Variants in OR6N1 observed in about 807,000 individuals in gnomAD.
The protein encoded by OR6N1 is olfactory receptor 6N1.
For missense variants in OR6N1, 394 were observed against 371.7 expected (o/e 1.06, Z -0.49); for synonymous variants, 170 against 150.7 (o/e 1.13, Z -0.94).
At position 158,765,985 on chromosome 1, in the gene OR6N1, C is replaced by T. The variant is rs766594139; in HGVS notation, c.698G>A (p.Gly233Asp). Residue 233 changes from glycine to aspartate, a missense_variant, in exon 2 of 2, where the codon GGC (glycine) becomes GAC (aspartate). By Grantham distance (94) the Gly-to-Asp change is moderately conservative. Coordinates refer to ENST00000641846, the MANE Select transcript of OR6N1 (RefSeq NM_001005185.2). ...ACACGTGGAGATGGCCTTCCTCTTG[C>T]CGGCAGCTGAGGGAATTCTGAGCAC... is the stretch of plus-strand genomic sequence containing the variant. ...CTVLRIPSAAGKRKAISTCAS... is the reference protein window; with the variant it reads ...CTVLRIPSAADKRKAISTCAS... The T allele has an allele frequency of 6.2e-7, 1 of 1,614,134 alleles. No individual in the cohort carries two copies.
At chr1:158,835,607 A>C in the OR6N1 span, among the ~76,000 whole-genome samples, 4 of 53,332 alleles carry the variant, frequency 7.5e-5, no homozygotes, top group South Asian at 7.8e-4. Flanking sequence ...TTTATTGCCT[A>C]TTTTTGGTGG....
the OR6N1 span, among the ~76,000 whole-genome samples, chr1:158,796,663 A>AACTTCTCTT: frequency 2.0e-5 from 3 of 152,114 alleles, no homozygotes; most frequent in Admixed American, 2.0e-4. Flanking sequence ...GTTTTATTAA[A>AACTTCTCTT]ACTTCTCTTT....
the OR6N1 span, among the ~76,000 whole-genome samples, chr1:158,818,352 T>C: frequency 6.6e-6 from 1 of 152,224 alleles, no homozygotes; most frequent in Non-Finnish European, 1.5e-5. Flanking sequence ...AGGTATTAAA[T>C]TAACTTGCTG....
At chr1:158,829,978 C>T in the OR6N1 span, among the ~76,000 whole-genome samples, 3 of 152,194 alleles carry the variant, frequency 2.0e-5, no homozygotes, top group Non-Finnish European at 4.4e-5. Context: ...CATTTACTAT[C>T]ATGAGAACAG....
intron 1 of OR6N1, among the ~76,000 whole-genome samples, chr1:158,767,742 A>C (rs987581709): frequency 2.0e-5 from 3 of 152,194 alleles, no homozygotes; most frequent in African/African-American, 7.2e-5. Flanking sequence ...CTCTTTACTC[A>C]TCCCACAGCC....
chr1:158,797,757 TTTTA>T, the OR6N1 span, among the ~76,000 whole-genome samples: 11,745 of 152,220 alleles, frequency 0.077, 498 homozygotes, highest in South Asian at 0.12. Flanking sequence ...ACATTACTAG[TTTTA>T]TTTATTTTGG....
At chr1:158,825,529 C>T in the OR6N1 span, among the ~76,000 whole-genome samples, 1 of 151,730 alleles carries the variant, frequency 6.6e-6, no homozygotes, top group African/African-American at 2.4e-5. Context: ...AAAAAATTCT[C>T]AACATCACTA....
chr1:158,837,204 T>C, the OR6N1 span, among the ~76,000 whole-genome samples: 3 of 151,900 alleles, frequency 2.0e-5, no homozygotes, highest in Admixed American at 1.3e-4. Flanking sequence ...GATATATCTG[T>C]TAGATATAAT....
At chr1:158,837,628 G>A in the OR6N1 span, among the ~76,000 whole-genome samples, 3 of 151,234 alleles carry the variant, frequency 2.0e-5, no homozygotes, top group Non-Finnish European at 4.4e-5. Flanking sequence ...ACATATACTT[G>A]GATCCCCTGT....
At chr1:158,795,715 C>A in the OR6N1 span, among the ~76,000 whole-genome samples, 1 of 152,198 alleles carries the variant, frequency 6.6e-6, no homozygotes, top group Non-Finnish European at 1.5e-5. Context: ...TTGCCCAGCT[C>A]CCCTCTGGGA....
At chr1:158,771,500 C>G (rs1657422715) in intron 1 of OR6N1, among the ~76,000 whole-genome samples, 1 of 152,190 alleles carries the variant, frequency 6.6e-6, no homozygotes, top group Admixed American at 6.5e-5. Context: ...ATAAAACCTA[C>G]CACATATACA....
At chr1:158,815,698 G>A in the OR6N1 span, among the ~76,000 whole-genome samples, 11 of 152,160 alleles carry the variant, frequency 7.2e-5, no homozygotes, top group African/African-American at 2.7e-4. Flanking sequence ...TGTCTATCTT[G>A]TAGATAGTGT....
At chr1:158,833,580 A>T in the OR6N1 span, among the ~76,000 whole-genome samples, 28,700 of 152,092 alleles carry the variant, frequency 0.19, 2,898 homozygotes, top group Admixed American at 0.27. Context: ...TCATACAGTA[A>T]GCGTGTGCTT....
chr1:158,785,098 T>C, the OR6N1 span, among the ~76,000 whole-genome samples: 45 of 152,300 alleles, frequency 3.0e-4, no homozygotes, highest in African/African-American at 1.0e-3. Context: ...TGACCCAGTG[T>C]TTGTCATATA....
the OR6N1 span, among the ~76,000 whole-genome samples, chr1:158,838,349 A>G: frequency 6.6e-6 from 1 of 152,052 alleles, no homozygotes; most frequent in Non-Finnish European, 1.5e-5. Flanking sequence ...CAGGTTTCCC[A>G]GATATAGCAT....
the OR6N1 span, among the ~76,000 whole-genome samples, chr1:158,801,415 C>T: frequency 1.3e-5 from 2 of 151,992 alleles, no homozygotes; most frequent in Non-Finnish European, 2.9e-5. Context: ...AATCAATGAA[C>T]AGACAAAGTA....
the OR6N1 span, among the ~76,000 whole-genome samples, chr1:158,812,898 A>T: frequency 3.1e-3 from 472 of 152,318 alleles, 2 homozygotes; most frequent in Admixed American, 5.6e-3. Context: ...CCCTCATACT[A>T]GGGAAAATAT....
the OR6N1 span, among the ~76,000 whole-genome samples, chr1:158,811,551 A>ATGGACT: frequency 2.0e-5 from 3 of 152,202 alleles, no homozygotes; most frequent in Non-Finnish European, 4.4e-5. Context: ...TCTGACCTCA[A>ATGGACT]CTGAACACAA....
chr1:158,838,479 G>C, the OR6N1 span, among the ~76,000 whole-genome samples: 1 of 152,048 alleles, frequency 6.6e-6, no homozygotes, highest in African/African-American at 2.4e-5. Context: ...TGGATATAAT[G>C]AGTTGCCTTT....
Sources: gnomAD v4.1 joint callset for allele counts (sites outside exome capture counted in the v4.1 genomes callset) on GRCh38, gnomAD v4.1.1 for gene constraint, MANE v1.5 for transcripts, NCBI Gene and HGNC (gene_info 2026-07-23, HGNC 2026-07-21) for gene names.